Variants in SLC31A1 observed in about 807,000 individuals in gnomAD.
The protein encoded by SLC31A1 is high affinity copper uptake protein 1.
SLC31A1 carries 5 observed loss-of-function variants against 17.2 expected under a neutral mutation model. The ratio of observed to expected loss-of-function variants is 0.29; its 90% confidence interval spans 0.15 to 0.61. SLC31A1 has a LOEUF of 0.61. Among genes scored for constraint, SLC31A1 ranks in the 20% least tolerant of loss-of-function variants. The pLI is 0.86. For synonymous variants in SLC31A1, 76 were observed against 78.8 expected, an observed-to-expected ratio of 0.96 and a Z score of 0.19; for missense variants, 161 against 241.4, an observed-to-expected ratio of 0.67 and a Z score of 2.21.
intron 1 of SLC31A1, among the ~76,000 whole-genome samples, chr9:113,252,850 C>G (rs1322699773): frequency 6.6e-6 from 1 of 152,064 alleles, no homozygotes; most frequent in Non-Finnish European, 1.5e-5. Context: ...ATTTTTCAGA[C>G]TCTCATTGGA....
intron 1 of SLC31A1, chr9:113,227,740 A>T (rs1447958860): frequency 6.6e-6 from 1 of 152,232 alleles, no homozygotes; most frequent in Non-Finnish European, 1.5e-5. Context: ...TTATTATCCA[A>T]ACAGTTTAAA....
intron 1 of SLC31A1, among the ~76,000 whole-genome samples, chr9:113,249,917 A>G (rs1831627895): frequency 6.6e-6 from 1 of 152,122 alleles, no homozygotes; most frequent in South Asian, 2.1e-4. Flanking sequence ...GCCAAAAAAC[A>G]CATGAAAAAA....
chr9:113,242,333 C>G (rs1354168677), intron 1 of SLC31A1, among the ~76,000 whole-genome samples: 1 of 152,150 alleles, frequency 6.6e-6, no homozygotes, highest in Non-Finnish European at 1.5e-5. Context: ...GTGCTAGAAA[C>G]TTTTGGCCAT....
intron 1 of SLC31A1, among the ~76,000 whole-genome samples, chr9:113,244,006 T>G (rs1167888952): frequency 6.6e-6 from 1 of 151,652 alleles, no homozygotes; most frequent in Admixed American, 6.6e-5. Flanking sequence ...ATACAAAAAA[T>G]TAGCCAGGCG....
At chr9:113,242,559 C>T (rs1483257828) in intron 1 of SLC31A1, among the ~76,000 whole-genome samples, 2 of 152,062 alleles carry the variant, frequency 1.3e-5, no homozygotes, top group Non-Finnish European at 2.9e-5. Context: ...TACATGACAC[C>T]ACACCCAGCT....
intron 1 of SLC31A1, among the ~76,000 whole-genome samples, chr9:113,241,431 A>C (rs1419642174): frequency 6.6e-6 from 1 of 152,200 alleles, no homozygotes; most frequent in Non-Finnish European, 1.5e-5. Flanking sequence ...TTGACTAGAA[A>C]GAGAACTTTG....
At chr9:113,250,061 C>T (rs1329859247) in intron 1 of SLC31A1, among the ~76,000 whole-genome samples, 1 of 151,050 alleles carries the variant, frequency 6.6e-6, no homozygotes, top group African/African-American at 2.4e-5. Flanking sequence ...GAAATAGGAA[C>T]ACTTTTACAC....
At position 113,257,194 on chromosome 9, in the gene SLC31A1, GCC is replaced by G; in HGVS notation, c.202+10_202+11del. ...GATCAATACAGCTGGAGGTGAGTAA[GCC>G]ATTAGGTAGTGTTGGAAGGTGATAG... On this transcript the variant is annotated intron_variant, in intron 3 of 4. Coordinates refer to ENST00000374212, the MANE Select transcript of SLC31A1 (RefSeq NM_001859.4). 2 of 1,610,862 alleles carry G rather than the reference GCC, an allele frequency of 1.2e-6. No individual in the cohort carries two copies. Among genetic ancestry groups the G allele is most frequent in the Non-Finnish European group, 1.7e-6 (2 of 1,177,164 alleles).
chr9:113,233,305 G>A (rs1283046844), intron 1 of SLC31A1, among the ~76,000 whole-genome samples: 1 of 152,110 alleles, frequency 6.6e-6, no homozygotes, highest in Non-Finnish European at 1.5e-5. Context: ...ATAAAGAAAG[G>A]GGAAATATCT....
At chr9:113,250,931 C>T (rs377222845) in intron 1 of SLC31A1, among the ~76,000 whole-genome samples, 4 of 152,058 alleles carry the variant, frequency 2.6e-5, no homozygotes, top group South Asian at 2.1e-4. Context: ...AAAGTGAGCC[C>T]GTGTCTCTTT....
intron 1 of SLC31A1, among the ~76,000 whole-genome samples, chr9:113,238,449 C>G (rs1347682812): frequency 6.6e-6 from 1 of 152,154 alleles, no homozygotes; most frequent in Non-Finnish European, 1.5e-5. Context: ...TTCACTATGT[C>G]TAAAGCAGGG....
Position 113,260,612 on chromosome 9 carries a change from C to CACACAT in SLC31A1, c.*139_*140insACACAT. ...ACACACACACACACACACACACACA[C>CACACAT]CCCTGCTCAACAGAGGTTTAGTTTA... On this transcript the variant is annotated 3_prime_UTR_variant, in exon 5 of 5. Transcript: ENST00000374212. 1.4e-6 allele frequency: 1 copy of CACACAT among 731,728 alleles called. No homozygotes were observed. The highest frequency in any genetic ancestry group is 2.4e-6 in the Non-Finnish European group (1 of 417,156). 45.3% of individuals were successfully genotyped at this position (731,728 alleles called of 1,614,324 possible). A position where few individuals can be genotyped will look rare whatever the true frequency, so the allele number is the denominator to read the frequency against.
intron 1 of SLC31A1, among the ~76,000 whole-genome samples, chr9:113,235,216 A>G (rs186371670): frequency 2.6e-5 from 4 of 152,334 alleles, no homozygotes; most frequent in Admixed American, 6.5e-5. Flanking sequence ...CCAAAAGCCA[A>G]TACATGTATG....
intron 1 of SLC31A1, among the ~76,000 whole-genome samples, chr9:113,252,337 G>A (rs117949467): frequency 1.4e-4 from 21 of 152,162 alleles, no homozygotes; most frequent in Non-Finnish European, 2.4e-4. Context: ...GGTCTGTCAC[G>A]CAGGCTGGAG....
At chr9:113,253,858 T>A (rs1386072009) in intron 1 of SLC31A1, among the ~76,000 whole-genome samples, 2 of 151,988 alleles carry the variant, frequency 1.3e-5, no homozygotes, top group African/African-American at 4.8e-5. Context: ...AATAAGAACC[T>A]ATTTCTTAAG....
chr9:113,242,994 T>C (rs565472766), intron 1 of SLC31A1, among the ~76,000 whole-genome samples: 3 of 152,214 alleles, frequency 2.0e-5, no homozygotes, highest in South Asian at 2.1e-4. Flanking sequence ...AAAATGTAAA[T>C]GTTCAGATCT....
chr9:113,240,945 G>A (rs1242357899), intron 1 of SLC31A1, among the ~76,000 whole-genome samples: 1 of 151,756 alleles, frequency 6.6e-6, no homozygotes, highest in African/African-American at 2.4e-5. Flanking sequence ...AGCTACTCTG[G>A]AGGCTGAGGC....
chr9:113,235,665 G>C (rs1831449925), intron 1 of SLC31A1, among the ~76,000 whole-genome samples: 1 of 152,172 alleles, frequency 6.6e-6, no homozygotes, highest in East Asian at 1.9e-4. Flanking sequence ...AAGCATGACT[G>C]GGAGAGGCAG....
At position 113,260,149 on chromosome 9, in the gene SLC31A1, C is replaced by G. The variant is rs78924779; in HGVS notation, c.372-123C>G. On this transcript the variant is annotated intron_variant, in intron 4 of 4. Coordinates refer to ENST00000374212, the MANE Select transcript of SLC31A1 (RefSeq NM_001859.4). ...GACCAATCAAAGAACATTCAAGTACCCATGAGTTGCCAGAGTGGCTGTCCA... is the reference window on the plus strand; with the variant it reads ...GACCAATCAAAGAACATTCAAGTACGCATGAGTTGCCAGAGTGGCTGTCCA... 1,215 of 796,148 alleles carry G rather than the reference C, an allele frequency of 1.5e-3. 18 individuals carry two copies. The highest frequency in any genetic ancestry group is 0.012 in the Admixed American group (678 of 56,842). The allele number at this position is 796,148 out of a possible 1,614,324, so 49.3% of individuals were successfully genotyped here. A position where few individuals can be genotyped will look rare whatever the true frequency, so the allele number is the denominator to read the frequency against.
Sources: allele counts gnomAD v4.1 joint callset (sites outside exome capture counted in the v4.1 genomes callset), GRCh38; gene constraint gnomAD v4.1.1; transcripts MANE v1.5; gene names NCBI Gene and HGNC (gene_info 2026-07-23, HGNC 2026-07-21).